The following DAB1 variants were observed in gnomAD, a reference collection of about 807,000 sequenced individuals.
The protein encoded by DAB1 is DAB adaptor protein 1, also known as disabled homolog 1.
In DAB1, 15 loss-of-function variants were observed where a neutral mutation model predicts 64.6. The ratio of observed to expected loss-of-function variants is 0.23; its 90% confidence interval spans 0.16 to 0.36. The LOEUF (loss-of-function observed/expected upper bound fraction) is 0.36. Ranked by LOEUF, DAB1 falls within the 10% of genes least tolerant of loss-of-function variation. The pLI is 1.00. For synonymous variants in DAB1, 235 were observed against 251.9 expected (o/e 0.93, Z 0.64); for missense variants, 596 against 706.7 (o/e 0.84, Z 1.78).
chr1:58,266,859 C>T (rs1027467825), intron 4 of DAB1, among the ~76,000 whole-genome samples: 10 of 152,038 alleles, frequency 6.6e-5, no homozygotes, highest in Non-Finnish European at 1.3e-4. Flanking sequence ...AGCTGTAGTC[C>T]GTACTCTTAC....
chr1:58,175,525 A>G (rs1656419419), intron 4 of DAB1, among the ~76,000 whole-genome samples: 1 of 152,222 alleles, frequency 6.6e-6, no homozygotes, highest in South Asian at 2.1e-4. Flanking sequence ...CATTCTGTTC[A>G]GTATTTCATT....
chr1:58,495,968 A>G (rs1645794327), intron 3 of DAB1, among the ~76,000 whole-genome samples: 1 of 152,196 alleles, frequency 6.6e-6, no homozygotes, highest in South Asian at 2.1e-4. Context: ...TAAATATCTA[A>G]GCTTGTCATT....
intron 7 of DAB1, among the ~76,000 whole-genome samples, chr1:57,580,941 G>A (rs926969188): frequency 3.3e-5 from 5 of 152,156 alleles, no homozygotes; most frequent in African/African-American, 1.2e-4. Flanking sequence ...TCAGATAAGG[G>A]TACCTGCCAT....
Position 58,112,996 on chromosome 1 carries a change from A to C in DAB1, n.387+37515T>G, listed in dbSNP as rs946313. Among the ~76,000 whole-genome samples, 407 of 152,244 alleles carry C rather than the reference A, an allele frequency of 2.7e-3. 2 individuals carry two copies. The highest frequency in any genetic ancestry group is 9.2e-3 in the African/African-American group (384 of 41,538). Reference sequence around the variant, plus strand: ...GTTGACTGAATTCTTGTTAAGTGGCACTCACCATGTTGGGCATAGAAGATG... The same window carrying C: ...GTTGACTGAATTCTTGTTAAGTGGCCCTCACCATGTTGGGCATAGAAGATG... On this transcript the variant is annotated intron_variant and non_coding_transcript_variant, in intron 5 of 20. Transcript: ENST00000485760.
chr1:58,160,041 C>A (rs1655439876), intron 4 of DAB1, among the ~76,000 whole-genome samples: 1 of 151,894 alleles, frequency 6.6e-6, no homozygotes, highest in Non-Finnish European at 1.5e-5. Flanking sequence ...AAAGGCATTT[C>A]AAATACAAAT....
rs6664526 is a variant in DAB1 at position 57,162,369 on chromosome 1, C to A, written c.68-16940G>T. Among the ~76,000 whole-genome samples, 1,482 of 152,266 alleles carry A rather than the reference C, an allele frequency of 9.7e-3. 30 individuals carry two copies. Among genetic ancestry groups the A allele is most frequent in the African/African-American group, 0.034 (1,428 of 41,532 alleles). On this transcript the variant is annotated intron_variant, in intron 2 of 14. Transcript: ENST00000371236. ...CCATGGAAGCCTGAGGGACCAATTG[C>A]AAAGAAGGAGGAAGCAGGAGAATTG...
chr1:57,454,527 A>C (rs772790707), intron 7 of DAB1, among the ~76,000 whole-genome samples: 2 of 152,036 alleles, frequency 1.3e-5, no homozygotes, highest in Non-Finnish European at 2.9e-5. Context: ...GGGAGGAGGG[A>C]CAGGATCAGA....
chr1:58,142,186 C>T lies in DAB1; in HGVS notation n.387+8325G>A, dbSNP rs748511694. ...AGAGGGCAGGGCATGCTCTCCCTGC[C>T]TCAGTCTCTCCGGCCAAGTTCCTGC... is the stretch of plus-strand genomic sequence containing the variant. On this transcript the variant is annotated intron_variant and non_coding_transcript_variant, in intron 5 of 20. Coordinates refer to the DAB1 transcript ENST00000485760. Among the ~76,000 whole-genome samples, 136 of 152,250 alleles carry T rather than the reference C, an allele frequency of 8.9e-4. 1 individual carries two copies. The highest frequency in any genetic ancestry group is 6.8e-3 in the Middle Eastern group (2 of 294).
At chr1:57,093,243 G>A (rs754268848) in intron 4 of DAB1, among the ~76,000 whole-genome samples, 24 of 152,264 alleles carry the variant, frequency 1.6e-4, no homozygotes, top group Admixed American at 6.5e-4. Context: ...GTATGTCCAA[G>A]GTTAAAAATC....
At chr1:57,167,374 C>T (rs1248358797) in intron 2 of DAB1, among the ~76,000 whole-genome samples, 1 of 152,080 alleles carries the variant, frequency 6.6e-6, no homozygotes, top group South Asian at 2.1e-4. Context: ...TTTACTGCCC[C>T]CTCCTTCTTA....
intron 7 of DAB1, among the ~76,000 whole-genome samples, chr1:57,631,740 C>A (rs1011711884): frequency 6.6e-6 from 1 of 152,156 alleles, no homozygotes; most frequent in Non-Finnish European, 1.5e-5. Flanking sequence ...TACCTTGCCG[C>A]AGCACTGCAA....
intron 7 of DAB1, among the ~76,000 whole-genome samples, chr1:57,599,026 C>A (rs954233189): frequency 3.3e-5 from 5 of 151,654 alleles, no homozygotes; most frequent in African/African-American, 4.9e-5. Flanking sequence ...TCCCTCCAGG[C>A]ATGTTTTTAT....
At chr1:57,686,181 T>C (rs1446371464) in intron 6 of DAB1, among the ~76,000 whole-genome samples, 1 of 151,636 alleles carries the variant, frequency 6.6e-6, no homozygotes. Context: ...AAAAGGAAGA[T>C]CCAAATAAGT....
chr1:57,646,976 T>G (rs1002984052), intron 7 of DAB1, among the ~76,000 whole-genome samples: 9 of 152,176 alleles, frequency 5.9e-5, no homozygotes, highest in Admixed American at 1.3e-4. Flanking sequence ...CTGGGCTTAT[T>G]TCTGTCTGCT....
intron 9 of DAB1, among the ~76,000 whole-genome samples, chr1:57,037,139 G>C (rs944781414): frequency 6.6e-6 from 1 of 152,172 alleles, no homozygotes; most frequent in Non-Finnish European, 1.5e-5. Flanking sequence ...GGTTTTAAAA[G>C]CTCCCCACGC....
chr1:57,616,748 T>C (rs1409757425), intron 7 of DAB1, among the ~76,000 whole-genome samples: 2 of 152,184 alleles, frequency 1.3e-5, no homozygotes, highest in African/African-American at 4.8e-5. Context: ...CTACAGGGTA[T>C]TTTGAATTGC....
intron 5 of DAB1, among the ~76,000 whole-genome samples, chr1:58,005,608 TA>T (rs5774389): frequency 0.4 from 52,627 of 132,892 alleles, 10,291 homozygotes; most frequent in East Asian, 0.61. Context: ...CTGCCTTGGT[TA>T]AAAAAAAAAA....
intron 4 of DAB1, among the ~76,000 whole-genome samples, chr1:58,312,952 T>G (rs540363933): frequency 1.3e-5 from 2 of 152,310 alleles, no homozygotes; most frequent in East Asian, 3.9e-4. Context: ...ATATTGCACT[T>G]AGAACAGTGT....
intron 4 of DAB1, among the ~76,000 whole-genome samples, chr1:58,342,804 G>A (rs1469034855): frequency 2.6e-5 from 4 of 151,120 alleles, no homozygotes; most frequent in Non-Finnish European, 5.9e-5. Flanking sequence ...TTCCCCTATC[G>A]CCACCCCATA....
Sources: gnomAD v4.1 joint callset for allele counts (sites outside exome capture counted in the v4.1 genomes callset) on GRCh38, gnomAD v4.1.1 for gene constraint, MANE v1.5 for transcripts, NCBI Gene and HGNC (gene_info 2026-07-23, HGNC 2026-07-21) for gene names.